The following DSCAM variants were observed in gnomAD, a reference collection of about 807,000 sequenced individuals.
DSCAM encodes the protein cell adhesion molecule DSCAM.
In DSCAM, 47 loss-of-function variants were observed where a neutral mutation model predicts 217.7. The ratio of observed to expected loss-of-function variants is 0.22; its 90% CI spans 0.17 to 0.28. The LOEUF is 0.28. DSCAM is among the 10% of genes least tolerant of loss of function. The pLI is 1.00. For synonymous variants in DSCAM, 1,056 were observed against 1,015.3 expected, an observed-to-expected ratio of 1.04 and a Z score of -0.76; for missense variants, 2,080 against 2,618.3, an observed-to-expected ratio of 0.79 and a Z score of 4.49.
intron 3 of DSCAM, among the ~76,000 whole-genome samples, chr21:40,672,822 C>T (rs530649834): frequency 1.3e-5 from 2 of 152,286 alleles, no homozygotes; most frequent in South Asian, 2.1e-4. Context: ...TATCAGCCAA[C>T]ATACCAAAGC....
At chr21:40,560,000 A>T (rs1385530742) in intron 3 of DSCAM, among the ~76,000 whole-genome samples, 1 of 151,948 alleles carries the variant, frequency 6.6e-6, no homozygotes, top group Non-Finnish European at 1.5e-5. Flanking sequence ...TCACCGTGTT[A>T]GCCAGGATGG....
At chr21:40,345,763 T>C (rs937169470) in intron 6 of DSCAM, among the ~76,000 whole-genome samples, 1 of 152,198 alleles carries the variant, frequency 6.6e-6, no homozygotes, top group African/African-American at 2.4e-5. Context: ...GTACTAGATA[T>C]GTATTTGTAA....
chr21:40,263,496 AT>A (rs1403359973), intron 11 of DSCAM, among the ~76,000 whole-genome samples: 1 of 151,980 alleles, frequency 6.6e-6, no homozygotes, highest in Non-Finnish European at 1.5e-5. Context: ...GGAAATTTAA[AT>A]TTTTTTTCAA....
intron 11 of DSCAM, 129 bp downstream of exon 11, chr21:40,275,968 C>G: frequency 4.1e-6 from 4 of 966,244 alleles, no homozygotes; most frequent in Non-Finnish European, 5.8e-6. Flanking sequence ...TTAAACCCAG[C>G]TATATCACAC....
At chr21:40,846,449 C>CA (rs1033878872) in intron 1 of DSCAM, among the ~76,000 whole-genome samples, 170 bp downstream of exon 1, 2 of 151,692 alleles carry the variant, frequency 1.3e-5, no homozygotes, top group African/African-American at 4.8e-5. Flanking sequence ...TCTTCTCCCC[C>CA]AAAAAATAAA....
intron 15 of DSCAM, among the ~76,000 whole-genome samples, chr21:40,169,424 A>G (rs2090632006): frequency 6.6e-6 from 1 of 152,146 alleles, no homozygotes; most frequent in Non-Finnish European, 1.5e-5. Context: ...GTCTTAGGGC[A>G]CTAAGGCGCT....
chr21:40,642,858 C>T (rs1360174102), intron 3 of DSCAM, among the ~76,000 whole-genome samples: 3 of 152,154 alleles, frequency 2.0e-5, no homozygotes, highest in Non-Finnish European at 4.4e-5. Context: ...TCAAAGATTA[C>T]AGCCTCCTGT....
chr21:40,087,481 T>G (rs1181337318), intron 21 of DSCAM, among the ~76,000 whole-genome samples, 194 bp from the exon 22 acceptor site: 2 of 152,188 alleles, frequency 1.3e-5, no homozygotes, highest in African/African-American at 4.8e-5. Flanking sequence ...AGCAGAAAAT[T>G]CCCATTGTAG....
chr21:40,252,136 G>A (rs1169773847), intron 11 of DSCAM, among the ~76,000 whole-genome samples: 1 of 152,240 alleles, frequency 6.6e-6, no homozygotes, highest in Non-Finnish European at 1.5e-5. Context: ...CAGGACCTCA[G>A]TAAGCTATGT....
At chr21:40,115,471 T>G (rs2089959110) in intron 20 of DSCAM, among the ~76,000 whole-genome samples, 1 of 152,094 alleles carries the variant, frequency 6.6e-6, no homozygotes, top group Non-Finnish European at 1.5e-5. Flanking sequence ...GTTAAATGAC[T>G]AGTTAATGGG....
chr21:40,775,092 A>G (rs944572874), intron 1 of DSCAM, among the ~76,000 whole-genome samples: 2 of 152,132 alleles, frequency 1.3e-5, no homozygotes, highest in Non-Finnish European at 2.9e-5. Context: ...CATGATCCCA[A>G]AAATTGAAAT....
chr21:40,215,743 A>G (rs1326238655), intron 11 of DSCAM, among the ~76,000 whole-genome samples: 1 of 152,144 alleles, frequency 6.6e-6, no homozygotes, highest in Non-Finnish European at 1.5e-5. Context: ...AGACTTCACC[A>G]CTACACGATT....
chr21:40,443,021 T>C (rs1361579276), intron 3 of DSCAM, among the ~76,000 whole-genome samples: 1 of 152,208 alleles, frequency 6.6e-6, no homozygotes, highest in Non-Finnish European at 1.5e-5. Context: ...GATGATAAGT[T>C]CCCGAGATGC....
intron 1 of DSCAM, among the ~76,000 whole-genome samples, chr21:40,754,385 T>A (rs1313959573): frequency 6.6e-6 from 1 of 152,086 alleles, no homozygotes; most frequent in African/African-American, 2.4e-5. Context: ...CAAAAGTAGT[T>A]TATGTGAGGT....
intron 3 of DSCAM, among the ~76,000 whole-genome samples, chr21:40,419,640 T>C (rs2075404217): frequency 6.6e-6 from 1 of 152,098 alleles, no homozygotes; most frequent in Non-Finnish European, 1.5e-5. Context: ...CTGGGAAAAA[T>C]TACTCAGATA....
At position 40,448,873 on chromosome 21, in the gene DSCAM, C is replaced by T. The variant is rs2145925790; in HGVS notation, c.509-79628G>A. Among the ~76,000 whole-genome samples the T allele has an allele frequency of 2.0e-5, 3 of 152,250 alleles. 1 individual carries two copies. In the South Asian group the frequency reaches 6.2e-4, roughly 32 times the overall value. On this transcript the variant is annotated intron_variant, in intron 3 of 32. Transcript: ENST00000400454. ...TGCTGCTATAACAAACTGCCACAAACTTAGTGGTTTAAAACAACACACATT... is the reference window on the plus strand; with the variant it reads ...TGCTGCTATAACAAACTGCCACAAATTTAGTGGTTTAAAACAACACACATT...
Position 40,498,686 on chromosome 21 carries a change from T to C in DSCAM, c.509-129441A>G, listed in dbSNP as rs1366032939. 1.3e-3 allele frequency among the ~76,000 whole-genome samples: 9 copies of C among 7,054 alleles called. 2 individuals carry two copies. The highest frequency in any genetic ancestry group is 0.011 in the African/African-American group (9 of 812). 4.6% of individuals were successfully genotyped at this position (7,054 alleles called of 152,430 possible). ...ATATACCCATATATATATATATATA[T>C]ATATATATATAGATATATATATATG... On this transcript the variant is annotated intron_variant, in intron 3 of 32. Coordinates refer to ENST00000400454, the MANE Select transcript of DSCAM (RefSeq NM_001389.5).
intron 3 of DSCAM, among the ~76,000 whole-genome samples, chr21:40,396,023 G>A (rs773586547): frequency 6.6e-5 from 10 of 152,138 alleles, no homozygotes; most frequent in Non-Finnish European, 1.0e-4. Context: ...CTGTGCCTAC[G>A]GAAGCGGGTC....
rs1007015659 is a variant in DSCAM, at chr21:40,780,423, G to GTGTGTATATATATA, written c.43+66195_43+66196insTATATATATACACA. Among the ~76,000 whole-genome samples, 84 of 56,412 alleles carry GTGTGTATATATATA rather than the reference G, an allele frequency of 1.5e-3. 1 individual carries two copies. Among genetic ancestry groups the GTGTGTATATATATA allele is most frequent in the Non-Finnish European group, 1.9e-3 (57 of 30,140 alleles). 37.0% of individuals were successfully genotyped at this position (56,412 alleles called of 152,430 possible). A position where few individuals can be genotyped will look rare whatever the true frequency, so the allele number is the denominator to read the frequency against. On this transcript the variant is annotated intron_variant, in intron 1 of 32. Coordinates refer to ENST00000400454, the MANE Select transcript of DSCAM (RefSeq NM_001389.5). ...CGTGTGTGTGTGTGTGTGTGTGTGT[G>GTGTGTATATATATA]TATATATATATATATATATATATAT... is the stretch of plus-strand genomic sequence containing the variant.
Sources: allele counts gnomAD v4.1 joint callset (sites outside exome capture counted in the v4.1 genomes callset), GRCh38; gene constraint gnomAD v4.1.1; transcripts MANE v1.5; gene names NCBI Gene and HGNC (gene_info 2026-07-23, HGNC 2026-07-21).